CATSPERE: variants seen among roughly 807,000 people sequenced by gnomAD.
CATSPERE encodes catsper channel auxiliary subunit epsilon, also known as cation channel sperm-associated auxiliary subunit epsilon.
Under a neutral mutation model 114.1 loss-of-function variants are expected in CATSPERE, and 93 were observed. That is an observed-to-expected ratio of 0.81 (90% CI 0.69 to 0.97). The LOEUF (loss-of-function observed/expected upper bound fraction) is 0.97, where lower values mean the gene tolerates loss of function less well. Among genes scored for constraint, CATSPERE ranks in the 50% least tolerant of loss-of-function variants. The pLI is 0.00. For missense variants in CATSPERE, 1,058 were observed against 1,131.6 expected, an observed-to-expected ratio of 0.93 and a Z score of 0.93; for synonymous variants, 341 against 384.1, an observed-to-expected ratio of 0.89 and a Z score of 1.31.
chr1:244,622,870 A>C (rs1039180992), intron 20 of CATSPERE, among the ~76,000 whole-genome samples: 1 of 152,240 alleles, frequency 6.6e-6, no homozygotes, highest in Admixed American at 6.5e-5. Context: ...ATAATCATCC[A>C]CACCAGAGCA....
intron 8 of CATSPERE, among the ~76,000 whole-genome samples, chr1:244,548,222 T>G (rs1259914380): frequency 6.6e-6 from 1 of 152,216 alleles, no homozygotes; most frequent in Non-Finnish European, 1.5e-5. Flanking sequence ...TCAGCCTGTT[T>G]CTCCAGCCAC....
At position 244,537,352 on chromosome 1, in the gene CATSPERE, G is replaced by A. The variant is rs572940293; in HGVS notation, c.537-14970G>A. ...TTGATTTTTGAATTTTGGACCAGCC[G>A]TGCATACCTGGAGTAAATCTCATTT... On this transcript the variant is annotated intron_variant, in intron 8 of 21. Coordinates refer to ENST00000366534, the MANE Select transcript of CATSPERE (RefSeq NM_001130957.2). 1.1e-4 allele frequency among the ~76,000 whole-genome samples: 17 copies of A among 152,254 alleles called. No individual in the cohort carries two copies. The South Asian group carries it at 3.5e-3, about 32-fold the overall frequency.
At chr1:244,456,485 T>G (rs1451924093), upstream of CATSPERE, among the ~76,000 whole-genome samples, 2 of 152,166 alleles carry the variant, frequency 1.3e-5, no homozygotes, top group Non-Finnish European at 2.9e-5. Context: ...CATCACATAT[T>G]TTGTCAGAAA....
chr1:244,550,638 C>G (rs3003221), intron 8 of CATSPERE, among the ~76,000 whole-genome samples: 132,352 of 152,196 alleles, frequency 0.87, 58,532 homozygotes, highest in East Asian at 1. Flanking sequence ...ATGTTAGAGC[C>G]AGGTGATGTG....
intron 17 of CATSPERE, 59 bp from the exon 18 acceptor site, chr1:244,605,636 A>G (rs552364902): frequency 1.7e-5 from 19 of 1,134,154 alleles, no homozygotes; most frequent in Non-Finnish European, 2.5e-5. Context: ...AGAAGCTGGA[A>G]CTCTTAACCC....
At chr1:244,463,208 A>G (rs1667085719) in intron 1 of CATSPERE, among the ~76,000 whole-genome samples, 1 of 152,204 alleles carries the variant, frequency 6.6e-6, no homozygotes, top group African/African-American at 2.4e-5. Flanking sequence ...AAAAATTATT[A>G]AAATTAATTT....
At position 244,481,295 on chromosome 1, in the gene CATSPERE, A is replaced by G. The variant is rs553564608; in HGVS notation, c.326+1511A>G. Among the ~76,000 whole-genome samples, 12 of 152,048 alleles carry G rather than the reference A, an allele frequency of 7.9e-5. No homozygotes were observed. The East Asian group carries it at 1.9e-3, about 25-fold the overall frequency. On this transcript the variant is annotated intron_variant, in intron 5 of 21. Transcript: ENST00000366534. The stretch of plus-strand genomic sequence containing the variant: ...AAATCCCATCTCTATTAAAAATACA[A>G]AAAGAATTAGCCAGATGTGGTGGCG...
At chr1:244,570,481 C>G (rs924912957) in intron 10 of CATSPERE, among the ~76,000 whole-genome samples, 1 of 152,028 alleles carries the variant, frequency 6.6e-6, no homozygotes, top group Admixed American at 6.5e-5. Flanking sequence ...CTCTTGCCTG[C>G]TTATTAAGTT....
intron 20 of CATSPERE, among the ~76,000 whole-genome samples, chr1:244,630,459 G>C (rs1673791037): frequency 6.6e-6 from 1 of 152,194 alleles, no homozygotes. Context: ...CTGCTTATCA[G>C]ATGCTGGGGG....
At chr1:244,602,795 G>A (rs1196015718) in intron 17 of CATSPERE, among the ~76,000 whole-genome samples, 1 of 152,196 alleles carries the variant, frequency 6.6e-6, no homozygotes, top group East Asian at 1.9e-4. Context: ...AGGGTCCTGA[G>A]GATTCGCTTT....
chr1:244,636,122 T>C (rs1674602988), intron 21 of CATSPERE, among the ~76,000 whole-genome samples: 3 of 152,176 alleles, frequency 2.0e-5, no homozygotes, highest in Admixed American at 6.5e-5. Flanking sequence ...CTTTCAACCA[T>C]AGACCCTCAT....
At chr1:244,548,588 A>G (rs1660123174) in intron 8 of CATSPERE, among the ~76,000 whole-genome samples, 2 of 152,224 alleles carry the variant, frequency 1.3e-5, no homozygotes, top group Admixed American at 6.5e-5. Context: ...AGAATATCTT[A>G]TCCACTCTCA....
intron 8 of CATSPERE, among the ~76,000 whole-genome samples, chr1:244,527,641 A>G (rs958054966): frequency 1.3e-5 from 2 of 152,354 alleles, no homozygotes; most frequent in African/African-American, 2.4e-5. Context: ...AGGAAATCAC[A>G]AGCGTATTGA....
chr1:244,489,638 G>A (rs932078697), intron 5 of CATSPERE, among the ~76,000 whole-genome samples: 16 of 151,982 alleles, frequency 1.1e-4, no homozygotes, highest in African/African-American at 3.9e-4. Context: ...TTGCAGGTCT[G>A]CTTGTCATTT....
chr1:244,589,792 G>A (rs1332767519), intron 14 of CATSPERE, among the ~76,000 whole-genome samples: 1 of 152,142 alleles, frequency 6.6e-6, no homozygotes, highest in Admixed American at 6.5e-5. Context: ...TTCTAGAAGG[G>A]TCCGAATAAT....
intron 5 of CATSPERE, among the ~76,000 whole-genome samples, chr1:244,485,328 C>A (rs1670821659): frequency 6.6e-6 from 1 of 151,736 alleles, no homozygotes; most frequent in Non-Finnish European, 1.5e-5. Context: ...ATTACAGGCA[C>A]CCACCACCAC....
Position 244,581,916 on chromosome 1 carries a change from G to T in CATSPERE, c.2009+62G>T, listed in dbSNP as rs1191771563. Reference sequence around the variant, plus strand: ...AATATGCTACTCAGGTTATTGATTTGTGGGTGTTCTTTTATTTAAATGGCC... The same window carrying T: ...AATATGCTACTCAGGTTATTGATTTTTGGGTGTTCTTTTATTTAAATGGCC... On this transcript the variant is annotated intron_variant, in intron 12 of 21. Coordinates refer to ENST00000366534, the MANE Select transcript of CATSPERE (RefSeq NM_001130957.2). The T allele has an allele frequency of 8.4e-6, 6 of 717,466 alleles. No homozygotes were observed. The African/African-American group carries it at 9.4e-5, about 11-fold the overall frequency. 44.4% of individuals were successfully genotyped at this position (717,466 alleles called of 1,614,324 possible).
rs965244070 is a variant in CATSPERE, at chr1:244,580,584, G to A, written c.1951-1212G>A. 2.6e-5 allele frequency among the ~76,000 whole-genome samples: 4 copies of A among 152,006 alleles called. No homozygotes were observed. The East Asian group carries it at 5.8e-4, about 22-fold the overall frequency. On this transcript the variant is annotated intron_variant, in intron 11 of 21. Transcript: ENST00000366534. Reference sequence around the variant, plus strand: ...AAATTATTGTAAACCAAACACCCACGTAATCACCATTCACGTCAAAAAAAT... The same window carrying A: ...AAATTATTGTAAACCAAACACCCACATAATCACCATTCACGTCAAAAAAAT...
At chr1:244,574,103 T>C (rs759946512) in intron 11 of CATSPERE, among the ~76,000 whole-genome samples, 3 of 152,108 alleles carry the variant, frequency 2.0e-5, no homozygotes, top group African/African-American at 7.2e-5. Context: ...GACCTCACAA[T>C]CTAAGCTGAA....
Sources: gnomAD v4.1 joint callset for allele counts (sites outside exome capture counted in the v4.1 genomes callset) on GRCh38, gnomAD v4.1.1 for gene constraint, MANE v1.5 for transcripts, NCBI Gene and HGNC (gene_info 2026-07-23, HGNC 2026-07-21) for gene names.